Variants in PTGFRN observed in about 807,000 individuals in gnomAD.
PTGFRN encodes prostaglandin F2 receptor negative regulator.
A neutral mutation model predicts 83.2 loss-of-function variants in PTGFRN; 35 were observed. The observed-to-expected ratio is 0.42, with a 90% CI of 0.32 to 0.56. The LOEUF (loss-of-function observed/expected upper bound fraction) is 0.56, where lower values mean the gene tolerates loss of function less well. PTGFRN is among the 20% of genes least tolerant of loss of function. The pLI is 0.11. For synonymous variants in PTGFRN, 519 were observed against 498.6 expected (o/e 1.04, Z -0.55); for missense variants, 1,051 against 1,179.5 (o/e 0.89, Z 1.60).
Position 116,990,043 on chromosome 1 carries a change from C to G in PTGFRN, c.*3076C>G, listed in dbSNP as rs1651673760. ...TACACAACTTGCTACTTTCAGAAAACTTTTTTTTAGCTTCACCGATGACAA... is the reference window on the plus strand; with the variant it reads ...TACACAACTTGCTACTTTCAGAAAAGTTTTTTTTAGCTTCACCGATGACAA... On this transcript the variant is annotated 3_prime_UTR_variant, in exon 9 of 9. Transcript: ENST00000393203. The G allele has an allele frequency of 1.3e-5, 2 of 152,448 alleles. 1 individual carries two copies. Among genetic ancestry groups the G allele is most frequent in the South Asian group, 4.2e-4 (2 of 4,814 alleles). 9.4% of individuals were successfully genotyped at this position (152,448 alleles called of 1,614,324 possible).
intron 5 of PTGFRN, among the ~76,000 whole-genome samples, chr1:116,964,743 C>T (rs1298852121): frequency 6.6e-6 from 1 of 152,244 alleles, no homozygotes; most frequent in Non-Finnish European, 1.5e-5. Context: ...CCCATCACAT[C>T]TGCCAGCTCT....
chr1:116,932,690 TGTTACTTTGCTGC>T, intron 1 of PTGFRN, among the ~76,000 whole-genome samples: 1 of 152,350 alleles, frequency 6.6e-6, no homozygotes, highest in East Asian at 1.9e-4. Flanking sequence ...CTCATTTCTG[TGTTACTTTGCTGC>T]CTATCTTGGT....
At chr1:116,938,761 C>T (rs879365552) in intron 1 of PTGFRN, among the ~76,000 whole-genome samples, 9 of 152,234 alleles carry the variant, frequency 5.9e-5, no homozygotes, top group Admixed American at 2.0e-4. Flanking sequence ...TTCAAAGTCT[C>T]ATTTGAGACA....
At chr1:116,959,421 G>A (rs2101075017) in intron 4 of PTGFRN, among the ~76,000 whole-genome samples, 1 of 152,322 alleles carries the variant, frequency 6.6e-6, no homozygotes, top group East Asian at 1.9e-4. Context: ...TTAGGATTTT[G>A]AGTTCTTTGC....
chr1:116,968,005 G>A (rs1311010593), intron 6 of PTGFRN, among the ~76,000 whole-genome samples: 2 of 152,218 alleles, frequency 1.3e-5, no homozygotes, highest in African/African-American at 4.8e-5. Context: ...TATAAAGAAA[G>A]AGAGGAGGGA....
chr1:116,943,592 G>C (rs1031736487), intron 2 of PTGFRN, among the ~76,000 whole-genome samples: 2 of 152,154 alleles, frequency 1.3e-5, no homozygotes, highest in Non-Finnish European at 2.9e-5. Flanking sequence ...GGATCTGCCC[G>C]GCCTTCAGCT....
rs761153907 is a variant in PTGFRN, at chr1:116,986,810, C to A, written c.2483C>A (p.Ala828Asp). 2.5e-6 allele frequency: 4 copies of A among 1,614,114 alleles called. No individual in the cohort carries two copies. Among genetic ancestry groups the A allele is most frequent in the Non-Finnish European group, 3.4e-6 (4 of 1,179,986 alleles). The change falls in exon 9 of 9, where the codon GCC becomes GAC. Residue 828 changes from alanine to aspartate, a missense_variant. Physicochemically the swap from Ala to Asp is moderately radical, Grantham distance 126 (BLOSUM62 -2). Coordinates refer to ENST00000393203, the MANE Select transcript of PTGFRN (RefSeq NM_020440.4). Reference sequence around the variant, plus strand: ...GATCTCTCCCTCCCAGTGCTGAACGCCTTCAAGTATCCCTTGCTGATCGGC... The same window carrying A: ...GATCTCTCCCTCCCAGTGCTGAACGACTTCAAGTATCCCTTGCTGATCGGC... ...FITVKMDVLN[A>D]FKYPLLIGVG...
intron 4 of PTGFRN, among the ~76,000 whole-genome samples, chr1:116,959,978 A>G (rs1235539401): frequency 1.3e-5 from 2 of 152,088 alleles, no homozygotes; most frequent in Non-Finnish European, 2.9e-5. Flanking sequence ...AAAAAAAACA[A>G]AAGAAGAAGA....
intron 7 of PTGFRN, among the ~76,000 whole-genome samples, chr1:116,975,177 A>T (rs949681625): frequency 1.3e-5 from 2 of 151,808 alleles, no homozygotes; most frequent in Non-Finnish European, 2.9e-5. Flanking sequence ...AGGCTGGGGG[A>T]GGGGCACCCG....
In PTGFRN at chr1:116,967,201, C is replaced by T; in HGVS notation, c.1930C>T (p.Gln644Ter). 6.2e-7 allele frequency: 1 copy of T among 1,614,168 alleles called. No homozygotes were observed. The highest frequency in any genetic ancestry group is 8.5e-7 in the Non-Finnish European group (1 of 1,180,040). Residue 644 changes from glutamine (Q) to a stop codon, truncating the protein, a stop_gained, in exon 6 of 9, where the codon CAG becomes TAG. Coordinates refer to ENST00000393203, the MANE Select transcript of PTGFRN (RefSeq NM_020440.4). LOFTEE classifies it high-confidence loss of function. Reference sequence around the variant, plus strand: ...GGATGAGTTCCGCTATCGAATGTACCAGACTCAGGTCTCAGACGCAGGGCT... The same window carrying T: ...GGATGAGTTCCGCTATCGAATGTACTAGACTCAGGTCTCAGACGCAGGGCT... ...QEDEFRYRMY[Q>*]TQVSDAGLYR...
At chr1:116,955,175 T>A (rs572860118) in intron 4 of PTGFRN, among the ~76,000 whole-genome samples, 1 of 152,316 alleles carries the variant, frequency 6.6e-6, no homozygotes, top group African/African-American at 2.4e-5. Flanking sequence ...AGGGTCACTC[T>A]TTTGGAGTCT....
chr1:116,914,280 T>C (rs1319379131), intron 1 of PTGFRN, among the ~76,000 whole-genome samples: 1 of 152,160 alleles, frequency 6.6e-6, no homozygotes, highest in African/African-American at 2.4e-5. Context: ...GGGTCAGACT[T>C]GAAAGTGGCA....
chr1:116,914,875 A>G (rs997193237), intron 1 of PTGFRN, among the ~76,000 whole-genome samples: 1 of 152,134 alleles, frequency 6.6e-6, no homozygotes, highest in African/African-American at 2.4e-5. Context: ...CTTCTGTACA[A>G]GGCTCTGCAC....
intron 3 of PTGFRN, among the ~76,000 whole-genome samples, chr1:116,946,407 A>G (rs899610824): frequency 1.4e-4 from 22 of 152,204 alleles, no homozygotes; most frequent in Non-Finnish European, 2.8e-4. Context: ...CGCTTTCCAG[A>G]TGGACTTAGG....
chr1:116,978,650 AG>A (rs1651226477), intron 7 of PTGFRN, among the ~76,000 whole-genome samples: 1 of 152,248 alleles, frequency 6.6e-6, no homozygotes, highest in South Asian at 2.1e-4. Context: ...GATGCAGAAA[AG>A]GCCTTTGACA....
chr1:116,954,676 A>C (rs1347715895), intron 4 of PTGFRN, among the ~76,000 whole-genome samples: 1 of 152,230 alleles, frequency 6.6e-6, no homozygotes, highest in Non-Finnish European at 1.5e-5. Flanking sequence ...GTGTGTAAGG[A>C]GGTTGCACAA....
In PTGFRN at chr1:116,967,236, C is replaced by T; in HGVS notation, c.1965C>T (p.Cys655=). The change falls in exon 6 of 9, where the codon TGC becomes TGT. Residue 655 remains cysteine (C), a synonymous_variant. Transcript: ENST00000393203. ...TCTCAGACGCAGGGCTGTACCGCTG[C>T]ATGGTGACAGCCTGGTCTCCTGTCA... ...TQVSDAGLYR[C]MVTAWSPVRG... The T allele has an allele frequency of 6.2e-7, 1 of 1,614,214 alleles. No individual in the cohort carries two copies. The highest frequency in any genetic ancestry group is 1.6e-4 in the Middle Eastern group (1 of 6,062).
intron 1 of PTGFRN, among the ~76,000 whole-genome samples, chr1:116,927,140 G>C (rs975985709): frequency 6.6e-6 from 1 of 152,156 alleles, no homozygotes; most frequent in African/African-American, 2.4e-5. Flanking sequence ...CTTCACATCT[G>C]TCCCACACTG....
In PTGFRN at chr1:116,944,752, C is replaced by T; in HGVS notation, c.492C>T (p.Pro164=). Residue 164 remains proline (P), a synonymous_variant, in exon 3 of 9, where the codon CCC becomes CCT. Coordinates refer to ENST00000393203, the MANE Select transcript of PTGFRN (RefSeq NM_020440.4). ...GCCTGAGCCTGCGGGAGGGGGAGCC[C>T]TTCGAGCTGCGCTGCACCGCCGCCT... ...PPSLSLREGE[P]FELRCTAASA... 2.0e-6 allele frequency: 3 copies of T among 1,503,976 alleles called. No individual in the cohort carries two copies. The highest frequency in any genetic ancestry group is 2.6e-6 in the Non-Finnish European group (3 of 1,133,048). The allele number at this position is 1,503,976 out of a possible 1,614,324, so 93.2% of individuals were successfully genotyped here.
Sources: allele counts gnomAD v4.1 joint callset (sites outside exome capture counted in the v4.1 genomes callset), GRCh38; gene constraint gnomAD v4.1.1; transcripts MANE v1.5; gene names NCBI Gene and HGNC (gene_info 2026-07-23, HGNC 2026-07-21).